BTAF1: variants seen among roughly 807,000 people sequenced by gnomAD.
BTAF1 encodes the protein B-TFIID TATA-box binding protein associated factor 1.
BTAF1 carries 38 observed loss-of-function variants against 227.1 expected under a neutral mutation model. The ratio of observed to expected loss-of-function variants is 0.17; its 90% CI spans 0.13 to 0.22. The LOEUF is 0.22. Among genes scored for constraint, BTAF1 ranks in the 10% least tolerant of loss-of-function variants. The pLI is 1.00. For missense variants in BTAF1, 1,598 were observed against 2,204.0 expected, an observed-to-expected ratio of 0.73 and a Z score of 5.51; for synonymous variants, 742 against 751.9, an observed-to-expected ratio of 0.99 and a Z score of 0.21.
intron 13 of BTAF1, 49 bp from the exon 14 acceptor site, chr10:91,966,588 A>G: frequency 6.3e-7 from 1 of 1,585,726 alleles, no homozygotes; most frequent in Non-Finnish European, 8.6e-7. Context: ...ATGTATCTAC[A>G]GAGTTACAAC....
chr10:91,935,905 C>A, intron 2 of BTAF1, 125 bp downstream of exon 2: 1 of 941,936 alleles, frequency 1.1e-6, no homozygotes. Context: ...TTTTTTTTTT[C>A]TGGTCACAAG....
At chr10:91,943,340 A>ATT (rs1266843159) in intron 4 of BTAF1, among the ~76,000 whole-genome samples, 51 of 152,280 alleles carry the variant, frequency 3.3e-4, no homozygotes, top group African/African-American at 1.2e-3. Flanking sequence ...AATACCGGAT[A>ATT]GGTATTGTCC....
chr10:92,018,663 CAAG>C, intron 33 of BTAF1, 117 bp from the exon 34 acceptor site: 1 of 885,010 alleles, frequency 1.1e-6, no homozygotes. Flanking sequence ...GTTTGCCGAG[CAAG>C]AAGAGGGAGA....
chr10:91,966,465 A>G (rs987987928), intron 13 of BTAF1, among the ~76,000 whole-genome samples, 172 bp from the exon 14 acceptor site: 3 of 152,176 alleles, frequency 2.0e-5, no homozygotes, highest in African/African-American at 4.8e-5. Context: ...ACAGTTGTGA[A>G]TGACATTGTT....
Position 91,984,235 on chromosome 10 carries a change from G to A in BTAF1, c.2258G>A (p.Arg753His), listed in dbSNP as rs777326643. The A allele has an allele frequency of 1.1e-5, 18 of 1,613,802 alleles. No individual in the cohort carries two copies. The highest frequency in any genetic ancestry group is 1.1e-5 in the Non-Finnish European group (13 of 1,179,900). ...GCTGTTACCTTAGCTGTGCAGCCGCGTTTACTTGATATCCTTTCAGAACAT... is the reference window on the plus strand; with the variant it reads ...GCTGTTACCTTAGCTGTGCAGCCGCATTTACTTGATATCCTTTCAGAACAT... ...CKAVTLAVQP[R>H]LLDILSEHLY... Residue 753 changes from arginine (R) to histidine (H), a missense_variant, in exon 19 of 38, where the codon CGT becomes CAT. By Grantham distance (29) the Arg-to-His change is conservative. Transcript: ENST00000265990.
At position 92,011,161 on chromosome 10, in the gene BTAF1, A is replaced by G. The variant is rs371210736; in HGVS notation, c.4181+11A>G. ...CATAGATTTCTTTAGGTAAGAATTA[A>G]TTTTTTTTTTAGAAAAATTAATATC... is the stretch of plus-strand genomic sequence containing the variant. On this transcript the variant is annotated intron_variant, in intron 29 of 37. Coordinates refer to ENST00000265990, the MANE Select transcript of BTAF1 (RefSeq NM_003972.3). The G allele has an allele frequency of 1.1e-5, 16 of 1,472,936 alleles. No homozygotes were observed. In the African/African-American group the frequency reaches 2.0e-4, roughly 18 times the overall value. 91.2% of individuals were successfully genotyped at this position (1,472,936 alleles called of 1,614,324 possible).
chr10:91,957,376 C>T, intron 8 of BTAF1, 83 bp downstream of exon 8: 1 of 1,125,754 alleles, frequency 8.9e-7, no homozygotes, highest in Non-Finnish European at 1.3e-6. Context: ...TATACTTTGT[C>T]AGAGTCCCTA....
chr10:91,989,860 C>T (rs921641512), intron 20 of BTAF1, among the ~76,000 whole-genome samples: 3 of 152,106 alleles, frequency 2.0e-5, no homozygotes, highest in Non-Finnish European at 4.4e-5. Context: ...TTACCTTTGC[C>T]TTCAAAACCA....
At chr10:92,010,438 C>T (rs147780154) in intron 28 of BTAF1, among the ~76,000 whole-genome samples, 2 of 152,160 alleles carry the variant, frequency 1.3e-5, no homozygotes, top group Non-Finnish European at 2.9e-5. Context: ...ATTTCAGGGG[C>T]AGATTGTTGC....
intron 15 of BTAF1, among the ~76,000 whole-genome samples, chr10:91,981,031 T>C (rs1308026768): frequency 6.6e-6 from 1 of 152,086 alleles, no homozygotes; most frequent in Non-Finnish European, 1.5e-5. Context: ...TGGGGGGAAA[T>C]GGCACTTTTG....
At chr10:92,000,809 C>T (rs926940883) in intron 25 of BTAF1, among the ~76,000 whole-genome samples, 4 of 152,182 alleles carry the variant, frequency 2.6e-5, no homozygotes, top group Admixed American at 6.5e-5. Flanking sequence ...CCACCTCAGC[C>T]TCTCAAAGTG....
chr10:91,938,695 G>A (rs1844791361), intron 2 of BTAF1, among the ~76,000 whole-genome samples: 1 of 152,100 alleles, frequency 6.6e-6, no homozygotes, highest in African/African-American at 2.4e-5. Flanking sequence ...GTCAAGAAGT[G>A]TATGTTGCCA....
intron 32 of BTAF1, 109 bp from the exon 33 acceptor site, chr10:92,016,231 A>T: frequency 7.6e-7 from 1 of 1,321,708 alleles, no homozygotes; most frequent in Non-Finnish European, 1.0e-6. Context: ...TGTTTTCATT[A>T]ATGAGGGCTG....
At chr10:91,958,285 A>G (rs1846238873) in intron 8 of BTAF1, among the ~76,000 whole-genome samples, 1 of 152,024 alleles carries the variant, frequency 6.6e-6, no homozygotes, top group Non-Finnish European at 1.5e-5. Context: ...TGAACTCCTG[A>G]GCTCAAGTGA....
Position 91,996,357 on chromosome 10 carries a change from T to G in BTAF1, c.3310-12T>G, listed in dbSNP as rs1849147424. 6.2e-7 allele frequency: 1 copy of G among 1,611,068 alleles called. No individual in the cohort carries two copies. Among genetic ancestry groups the G allele is most frequent in the African/African-American group, 1.3e-5 (1 of 74,890 alleles). On this transcript the variant is annotated splice_polypyrimidine_tract_variant and intron_variant, in intron 23 of 37. Coordinates refer to ENST00000265990, the MANE Select transcript of BTAF1 (RefSeq NM_003972.3). Reference sequence around the variant, plus strand: ...CTAATAATTCTAATTGCCATTAACTTTTTGTTTTTAGTTGGTCCAGCATTT... The same window carrying G: ...CTAATAATTCTAATTGCCATTAACTGTTTGTTTTTAGTTGGTCCAGCATTT...
At chr10:91,959,386 A>G in intron 9 of BTAF1, 2 of 761,180 alleles carry the variant, frequency 2.6e-6, no homozygotes, top group East Asian at 3.7e-5. Flanking sequence ...CACTGGTAAT[A>G]GTATAAATAA....
intron 1 of BTAF1, among the ~76,000 whole-genome samples, chr10:91,934,369 C>T (rs997013221): frequency 5.9e-5 from 9 of 151,666 alleles, no homozygotes; most frequent in African/African-American, 1.5e-4. Context: ...CCCTAGTAGC[C>T]GGGACTACAG....
intron 1 of BTAF1, among the ~76,000 whole-genome samples, chr10:91,927,368 C>T (rs1257029798): frequency 6.6e-6 from 1 of 152,156 alleles, no homozygotes; most frequent in East Asian, 1.9e-4. Flanking sequence ...GAACTCCTGA[C>T]TTCAGGCGAT....
chr10:91,958,746 T>C (rs1185049735), intron 8 of BTAF1, among the ~76,000 whole-genome samples: 1 of 152,152 alleles, frequency 6.6e-6, no homozygotes, highest in Admixed American at 6.5e-5. Flanking sequence ...ATACTTTCTT[T>C]CCTCTCTCTT....
Sources: gnomAD v4.1 joint callset for allele counts (sites outside exome capture counted in the v4.1 genomes callset) on GRCh38, gnomAD v4.1.1 for gene constraint, MANE v1.5 for transcripts, NCBI Gene and HGNC (gene_info 2026-07-23, HGNC 2026-07-21) for gene names.